Variants in CDK13 observed in about 807,000 individuals in gnomAD.
CDK13 encodes cyclin dependent kinase 13.
A neutral mutation model predicts 137.6 loss-of-function variants in CDK13; 40 were observed. The observed-to-expected ratio is 0.29, with a 90% CI of 0.23 to 0.38. The LOEUF is 0.38. Among genes scored for constraint, CDK13 ranks in the 10% least tolerant of loss-of-function variants. The pLI, the probability that CDK13 is intolerant of heterozygous loss-of-function variation, is 1.00. For missense variants in CDK13, 1,704 were observed against 1,951.8 expected (o/e 0.87, Z 2.39); for synonymous variants, 869 against 760.1 (o/e 1.14, Z -2.36).
intron 3 of CDK13, 174 bp from the exon 4 acceptor site, chr7:39,999,187 G>A (rs1448290032): frequency 6.7e-6 from 3 of 447,404 alleles, no homozygotes; most frequent in Non-Finnish European, 1.2e-5. Context: ...CAGTTTTTAC[G>A]ATAACTTACA....
intron 9 of CDK13, among the ~76,000 whole-genome samples, chr7:40,077,400 G>T (rs1786569013): frequency 6.7e-6 from 1 of 149,734 alleles, no homozygotes; most frequent in Non-Finnish European, 1.5e-5. Context: ...AATTTTTTAT[G>T]TTGGTTTTAA....
At chr7:39,971,370 A>C (rs1783994866) in intron 1 of CDK13, among the ~76,000 whole-genome samples, 1 of 151,966 alleles carries the variant, frequency 6.6e-6, no homozygotes, top group Non-Finnish European at 1.5e-5. Context: ...TACAAAAACT[A>C]GCTGGGTGTG....
intron 5 of CDK13, among the ~76,000 whole-genome samples, chr7:40,016,361 G>T (rs1481369563): frequency 6.6e-6 from 1 of 152,120 alleles, no homozygotes; most frequent in East Asian, 1.9e-4. Flanking sequence ...AGACCTAAGT[G>T]AGACAATATG....
At chr7:39,999,186 C>A in intron 3 of CDK13, 175 bp from the exon 4 acceptor site, 1 of 446,418 alleles carries the variant, frequency 2.2e-6, no homozygotes, top group Non-Finnish European at 3.8e-6. Context: ...TCAGTTTTTA[C>A]GATAACTTAC....
intron 1 of CDK13, among the ~76,000 whole-genome samples, chr7:39,974,469 T>A (rs1310738940): frequency 6.6e-6 from 1 of 152,176 alleles, no homozygotes; most frequent in Non-Finnish European, 1.5e-5. Context: ...TGTTTTGTAG[T>A]TTTCAGGGTA....
At chr7:40,049,751 C>T (rs1469611109) in intron 7 of CDK13, among the ~76,000 whole-genome samples, 4 of 152,070 alleles carry the variant, frequency 2.6e-5, no homozygotes, top group South Asian at 2.1e-4. Context: ...CCCTATGCCC[C>T]GTATCTGGTA....
intron 9 of CDK13, chr7:40,072,418 A>G (rs1786442684): frequency 6.6e-6 from 1 of 152,158 alleles, no homozygotes; most frequent in Non-Finnish European, 1.5e-5. Flanking sequence ...GAGCCACTGC[A>G]CCTCACTTAA....
chr7:40,034,304 G>A (rs1249895985), intron 5 of CDK13, among the ~76,000 whole-genome samples: 2 of 152,124 alleles, frequency 1.3e-5, no homozygotes, highest in Non-Finnish European at 2.9e-5. Context: ...TAATTTTGGG[G>A]GCAGTGGTTT....
At chr7:40,085,368 CAA>C (rs34788348) in intron 11 of CDK13, among the ~76,000 whole-genome samples, 5 of 122,832 alleles carry the variant, frequency 4.1e-5, no homozygotes, top group Non-Finnish European at 5.3e-5. Flanking sequence ...GATTCCATCT[CAA>C]AAAAAAAAAA....
At chr7:40,064,236 AT>A (rs1786223395) in intron 9 of CDK13, among the ~76,000 whole-genome samples, 1 of 144,124 alleles carries the variant, frequency 6.9e-6, no homozygotes, top group African/African-American at 2.6e-5. Flanking sequence ...GTGAGCCGAG[AT>A]TGTGCCACGG....
intron 7 of CDK13, among the ~76,000 whole-genome samples, chr7:40,052,178 T>TGTTC (rs1258787324): frequency 2.6e-5 from 4 of 151,854 alleles, no homozygotes; most frequent in East Asian, 3.9e-4. Context: ...ACACTTTATT[T>TGTTC]GTTTATTTAT....
intron 1 of CDK13, among the ~76,000 whole-genome samples, chr7:39,977,129 G>A (rs1203890707): frequency 6.6e-6 from 1 of 152,186 alleles, no homozygotes; most frequent in Non-Finnish European, 1.5e-5. Flanking sequence ...CTTTATGCTA[G>A]TCCTTGAGAG....
At chr7:39,986,133 G>T (rs948469319) in intron 1 of CDK13, 3 of 152,198 alleles carry the variant, frequency 2.0e-5, no homozygotes, top group African/African-American at 7.2e-5. Context: ...ATGAGTTCAG[G>T]TGTTGACTTC....
In CDK13 at chr7:39,950,834, G is replaced by A; in HGVS notation, c.193G>A (p.Gly65Ser). Residue 65 changes from glycine (G) to serine (S), a missense_variant, in exon 1 of 14, where the codon GGC becomes AGC. Around this residue, in one of 5 missense-constraint regions of CDK13, gnomAD observed 1,051 missense variants for 931.0 expected, o/e 1.13. Transcript: ENST00000181839. ...PPPLLFLAAP[G>S]TAAAAAAAAA... ...GCCTCTGCTCTTCCTGGCTGCTCCC[G>A]GCACGGCCGCCGCCGCAGCCGCCGC... 1.4e-6 allele frequency: 2 copies of A among 1,389,520 alleles called. No individual in the cohort carries two copies. Among genetic ancestry groups the A allele is most frequent in the Non-Finnish European group, 9.2e-7 (1 of 1,082,126 alleles). 86.1% of individuals were successfully genotyped at this position (1,389,520 alleles called of 1,614,324 possible).
chr7:40,015,697 G>C (rs539393441), intron 5 of CDK13, among the ~76,000 whole-genome samples: 4 of 152,234 alleles, frequency 2.6e-5, no homozygotes, highest in Admixed American at 2.6e-4. Context: ...GTCCTCTAGT[G>C]AAATTTTATT....
At chr7:39,984,037 C>G (rs926768974) in intron 1 of CDK13, 1 of 152,132 alleles carries the variant, frequency 6.6e-6, no homozygotes, top group African/African-American at 2.4e-5. Flanking sequence ...TTGAGTTTAT[C>G]CTAAACCTAA....
intron 11 of CDK13, 81 bp from the exon 12 acceptor site, chr7:40,088,045 A>G: frequency 8.7e-7 from 1 of 1,148,206 alleles, no homozygotes; most frequent in South Asian, 1.4e-5. Context: ...GGGTGGGGGC[A>G]TAACTTTGTT....
chr7:40,032,895 G>A (rs1371157000), intron 5 of CDK13, among the ~76,000 whole-genome samples: 3 of 152,062 alleles, frequency 2.0e-5, no homozygotes, highest in Non-Finnish European at 4.4e-5. Context: ...CTATATAAAC[G>A]TTAGAATCAA....
At chr7:40,069,178 T>C (rs1241605875) in intron 9 of CDK13, 9 of 374,616 alleles carry the variant, frequency 2.4e-5, no homozygotes, top group South Asian at 1.8e-4. Context: ...GAGGCTACAG[T>C]GAACTGTGAT....
Sources: allele counts gnomAD v4.1 joint callset (sites outside exome capture counted in the v4.1 genomes callset), GRCh38; gene constraint gnomAD v4.1.1; regional missense constraint gnomAD v4.1.1; transcripts MANE v1.5; gene names NCBI Gene and HGNC (gene_info 2026-07-23, HGNC 2026-07-21).